Variants in CCDC112 observed in about 807,000 individuals in gnomAD.
CCDC112 encodes coiled-coil domain containing 112, also known as coiled-coil domain-containing protein 112.
CCDC112 carries 40 observed loss-of-function variants against 66.3 expected under a neutral mutation model. The observed-to-expected ratio is 0.60, with a 90% confidence interval of 0.47 to 0.79. CCDC112 has a LOEUF of 0.79. Among genes scored for constraint, CCDC112 ranks in the 30% least tolerant of loss-of-function variants. The pLI is 0.00. For synonymous variants in CCDC112, 214 were observed against 197.2 expected (o/e 1.09, Z -0.71); for missense variants, 659 against 603.8 (o/e 1.09, Z -0.96).
intron 1 of CCDC112, among the ~76,000 whole-genome samples, chr5:115,287,588 C>G (rs1439310819): frequency 6.6e-6 from 1 of 151,812 alleles, no homozygotes; most frequent in Admixed American, 6.6e-5. Context: ...TGCACGGCAA[C>G]CAATCAGAAA....
At chr5:115,277,616 C>T (rs1749263658) in intron 3 of CCDC112, among the ~76,000 whole-genome samples, 2 of 152,126 alleles carry the variant, frequency 1.3e-5, no homozygotes, top group Admixed American at 1.3e-4. Flanking sequence ...CAGTGGTATA[C>T]TATGCCACAG....
intron 2 of CCDC112, among the ~76,000 whole-genome samples, chr5:115,283,573 C>T (rs1429439733): frequency 6.6e-6 from 1 of 152,114 alleles, no homozygotes; most frequent in African/African-American, 2.4e-5. Flanking sequence ...ATACATCACA[C>T]TGTAGACATT....
chr5:115,268,395 A>C (rs1296471688), intron 9 of CCDC112, among the ~76,000 whole-genome samples: 1 of 151,770 alleles, frequency 6.6e-6, no homozygotes, highest in Non-Finnish European at 1.5e-5. Context: ...TCAGCCTCCC[A>C]AGTACCTGGG....
intron 1 of CCDC112, among the ~76,000 whole-genome samples, chr5:115,294,624 G>A (rs1750071082): frequency 6.6e-6 from 1 of 152,216 alleles, no homozygotes; most frequent in Non-Finnish European, 1.5e-5. Flanking sequence ...GACATCTCTA[G>A]TATCATGAGA....
At chr5:115,292,646 G>T (rs749773039) in intron 1 of CCDC112, among the ~76,000 whole-genome samples, 9 of 152,148 alleles carry the variant, frequency 5.9e-5, no homozygotes, top group Non-Finnish European at 1.2e-4. Context: ...GGTTTGTTTT[G>T]TTGCTGTTTG....
At chr5:115,291,100 T>C (rs1222397179) in intron 1 of CCDC112, among the ~76,000 whole-genome samples, 1 of 152,122 alleles carries the variant, frequency 6.6e-6, no homozygotes, top group African/African-American at 2.4e-5. Flanking sequence ...CATTAAGTAA[T>C]ACGTTACTTA....
intron 1 of CCDC112, among the ~76,000 whole-genome samples, chr5:115,290,736 G>A (rs1330875329): frequency 6.6e-6 from 1 of 152,034 alleles, no homozygotes; most frequent in African/African-American, 2.4e-5. Context: ...TAATCTTTGT[G>A]ATACTATTAT....
At chr5:115,273,527 T>C (rs1013125167) in intron 6 of CCDC112, among the ~76,000 whole-genome samples, 2 of 152,198 alleles carry the variant, frequency 1.3e-5, no homozygotes, top group Non-Finnish European at 2.9e-5. Flanking sequence ...CTCACCCCTA[T>C]GTCCTGCTCA....
chr5:115,269,941 T>C, intron 7 of CCDC112, 143 bp from the exon 8 acceptor site: 1 of 566,198 alleles, frequency 1.8e-6, no homozygotes, highest in Non-Finnish European at 3.1e-6. Flanking sequence ...CTAAGAGCTT[T>C]ATTTTCTCTG....
chr5:115,290,110 G>A (rs1423146916), intron 1 of CCDC112, among the ~76,000 whole-genome samples: 3 of 152,208 alleles, frequency 2.0e-5, no homozygotes, highest in Non-Finnish European at 2.9e-5. Flanking sequence ...TCATGCCTGT[G>A]TTTTATTCTA....
In CCDC112 at chr5:115,268,868, T is replaced by C. The variant is rs754003610; in HGVS notation, c.1547+14A>G. 23 of 1,460,916 alleles carry C rather than the reference T, an allele frequency of 1.6e-5. No homozygotes were observed. The highest frequency in any genetic ancestry group is 9.3e-7 in the Non-Finnish European group (1 of 1,070,554). 90.5% of individuals were successfully genotyped at this position (1,460,916 alleles called of 1,614,324 possible). A position where few individuals can be genotyped will look rare whatever the true frequency, so the allele number is the denominator to read the frequency against. The stretch of plus-strand genomic sequence containing the variant: ...TAAATTACTAAATGAACACCAATTC[T>C]AACTCTTTCTTACCTATGTGGGATA... On this transcript the variant is annotated intron_variant, in intron 9 of 9. Transcript: ENST00000379611.
Position 115,296,604 on chromosome 5 carries a change from C to A in CCDC112, c.-61G>T, listed in dbSNP as rs1750171954. On this transcript the variant is annotated 5_prime_UTR_variant, in exon 1 of 10. Transcript: ENST00000379611. ...CCGGTGCCTGGGGATTCGTGGCAGG[C>A]GCACCCTGGCCTCTGCAGACAGCTC... 2.9e-6 allele frequency: 4 copies of A among 1,402,190 alleles called. No homozygotes were observed. Among genetic ancestry groups the A allele is most frequent in the East Asian group, 3.0e-5 (1 of 33,826 alleles). The allele number at this position is 1,402,190 out of a possible 1,614,324, so 86.9% of individuals were successfully genotyped here. A position where few individuals can be genotyped will look rare whatever the true frequency, so the allele number is the denominator to read the frequency against.
At chr5:115,270,302 C>T (rs761175832) in intron 7 of CCDC112, among the ~76,000 whole-genome samples, 7 of 151,874 alleles carry the variant, frequency 4.6e-5, no homozygotes, top group Non-Finnish European at 8.8e-5. Flanking sequence ...TTTCTTTGTA[C>T]CTCCCTTAGT....
At chr5:115,279,789 A>G in intron 2 of CCDC112, 21 bp from the exon 3 acceptor site, 1 of 1,238,618 alleles carries the variant, frequency 8.1e-7, no homozygotes, top group Non-Finnish European at 1.2e-6. Context: ...AGAAACAAAT[A>G]GTATAAATAT....
chr5:115,289,897 G>C (rs543853967), intron 1 of CCDC112, among the ~76,000 whole-genome samples: 9 of 152,118 alleles, frequency 5.9e-5, no homozygotes. Flanking sequence ...TTGGCCAGCT[G>C]GTCTCAAACT....
rs1750161382 is a variant in CCDC112, at chr5:115,296,435, G to A, written c.109C>T (p.Pro37Ser). 6.4e-7 allele frequency: 1 copy of A among 1,566,976 alleles called. No homozygotes were observed. The highest frequency in any genetic ancestry group is 8.6e-7 in the Non-Finnish European group (1 of 1,164,838). Residue 37 changes from proline to serine, a missense_variant, in exon 1 of 10, where the codon CCT (proline) becomes TCT (serine). Pro to Ser is a moderately conservative substitution (Grantham distance 74, BLOSUM62 -1). Coordinates refer to ENST00000379611, the MANE Select transcript of CCDC112 (RefSeq NM_001040440.3). The part of the protein sequence containing the change: ...TGTGVGATPA[P>S]QQSDGCFSTS... ...GGTTCTCCCGGATTTACCTGTTGAG[G>A]CGCTGGCGTCGCTCCCACGCCGGTC...
chr5:115,276,506 T>C (rs1214115584), intron 4 of CCDC112, among the ~76,000 whole-genome samples: 2 of 152,128 alleles, frequency 1.3e-5, no homozygotes, highest in Non-Finnish European at 1.5e-5. Flanking sequence ...CTAGCATTTG[T>C]CCTAAATCAG....
chr5:115,277,604 T>G (rs1284263221), intron 3 of CCDC112, among the ~76,000 whole-genome samples: 1 of 152,076 alleles, frequency 6.6e-6, no homozygotes, highest in African/African-American at 2.4e-5. Context: ...TCAGGTATCA[T>G]TCAGTGGTAT....
At chr5:115,267,978 C>A in intron 9 of CCDC112, 60 bp from the exon 10 acceptor site, 1 of 1,338,974 alleles carries the variant, frequency 7.5e-7, no homozygotes, top group Non-Finnish European at 1.1e-6. Flanking sequence ...GAAAAAAACC[C>A]TATCTGATTA....
Sources: gnomAD v4.1 joint callset for allele counts (sites outside exome capture counted in the v4.1 genomes callset) on GRCh38, gnomAD v4.1.1 for gene constraint, MANE v1.5 for transcripts, NCBI Gene and HGNC (gene_info 2026-07-23, HGNC 2026-07-21) for gene names.